Variants in SEMA3C observed in about 807,000 individuals in gnomAD.
The protein encoded by SEMA3C is semaphorin 3C, also known as semaphorin-3C.
A neutral mutation model predicts 89.4 loss-of-function variants in SEMA3C; 47 were observed. That is an observed-to-expected ratio of 0.53 (90% CI 0.42 to 0.67). SEMA3C has a LOEUF of 0.67. Among genes scored for constraint, SEMA3C ranks in the 30% least tolerant of loss-of-function variants. The probability of loss-of-function intolerance (pLI) is 0.00; values close to 1 mark genes in which losing one functional copy is unlikely to be tolerated. For synonymous variants in SEMA3C, 310 were observed against 320.2 expected, an observed-to-expected ratio of 0.97 and a Z score of 0.34; for missense variants, 839 against 929.1, an observed-to-expected ratio of 0.90 and a Z score of 1.26.
chr7:80,770,727 T>C (rs2117072135), intron 12 of SEMA3C, among the ~76,000 whole-genome samples: 1 of 152,320 alleles, frequency 6.6e-6, no homozygotes, highest in South Asian at 2.1e-4. Context: ...GATGTAAGCC[T>C]GGCCAATAAG....
Position 80,744,688 on chromosome 7 carries a change from G to A in SEMA3C, c.*206C>T. The A allele has an allele frequency of 3.4e-6, 2 of 592,820 alleles. No individual in the cohort carries two copies. The highest frequency in any genetic ancestry group is 6.0e-6 in the Non-Finnish European group (2 of 336,012). The allele number at this position is 592,820 out of a possible 1,614,324, so 36.7% of individuals were successfully genotyped here. A position where few individuals can be genotyped will look rare whatever the true frequency, so the allele number is the denominator to read the frequency against. ...TGGGTTAAGTTAAATATATTTATATGCACCATGAGGACCATGACATGTCTA... is the reference window on the plus strand; with the variant it reads ...TGGGTTAAGTTAAATATATTTATATACACCATGAGGACCATGACATGTCTA... On this transcript the variant is annotated 3_prime_UTR_variant, in exon 18 of 18. Transcript: ENST00000265361.
chr7:80,773,996 G>C (rs1166839645), intron 12 of SEMA3C, among the ~76,000 whole-genome samples: 1 of 152,178 alleles, frequency 6.6e-6, no homozygotes, highest in Non-Finnish European at 1.5e-5. Flanking sequence ...GCTGACACAA[G>C]AAAGGCTGAG....
intron 2 of SEMA3C, among the ~76,000 whole-genome samples, chr7:80,842,706 G>T (rs1790297995): frequency 6.6e-6 from 1 of 152,100 alleles, no homozygotes; most frequent in Admixed American, 6.6e-5. Flanking sequence ...TAGGCAAAAT[G>T]AGTTATAGAT....
At chr7:80,845,978 A>C (rs1376174955) in intron 2 of SEMA3C, among the ~76,000 whole-genome samples, 1 of 152,194 alleles carries the variant, frequency 6.6e-6, no homozygotes, top group Non-Finnish European at 1.5e-5. Flanking sequence ...TACTTTAAGA[A>C]AGTAGCAAAT....
intron 2 of SEMA3C, among the ~76,000 whole-genome samples, chr7:80,836,315 T>C (rs1790124661): frequency 6.6e-6 from 1 of 152,030 alleles, no homozygotes; most frequent in Non-Finnish European, 1.5e-5. Flanking sequence ...ATGGGATAAA[T>C]GGAAGCAAAA....
At chr7:80,852,780 G>A (rs1159837523) in intron 2 of SEMA3C, among the ~76,000 whole-genome samples, 2 of 150,544 alleles carry the variant, frequency 1.3e-5, no homozygotes, top group Non-Finnish European at 2.9e-5. Flanking sequence ...CTGGGTTCAT[G>A]CCATTCTCCT....
At chr7:80,874,272 C>A (rs1791144947) in intron 2 of SEMA3C, among the ~76,000 whole-genome samples, 1 of 152,120 alleles carries the variant, frequency 6.6e-6, no homozygotes, top group Non-Finnish European at 1.5e-5. Flanking sequence ...TACAGCATTC[C>A]AATTCCTTAG....
intron 2 of SEMA3C, among the ~76,000 whole-genome samples, chr7:80,891,476 C>A (rs1791612162): frequency 6.6e-6 from 1 of 151,786 alleles, no homozygotes; most frequent in South Asian, 2.1e-4. Flanking sequence ...TCATAAAATT[C>A]TTCAAACAAT....
At chr7:80,849,741 G>C (rs1265088948) in intron 2 of SEMA3C, among the ~76,000 whole-genome samples, 2 of 152,040 alleles carry the variant, frequency 1.3e-5, no homozygotes, top group Non-Finnish European at 2.9e-5. Flanking sequence ...TCTTGTGATA[G>C]CCAAATGTTT....
At chr7:80,779,897 T>C (rs753298145) in intron 12 of SEMA3C, among the ~76,000 whole-genome samples, 35 of 152,206 alleles carry the variant, frequency 2.3e-4, no homozygotes, top group Non-Finnish European at 4.9e-4. Context: ...AGGAGATCTA[T>C]GTGCAAAAAC....
chr7:80,872,256 T>C (rs1404689291), intron 2 of SEMA3C, among the ~76,000 whole-genome samples: 1 of 152,056 alleles, frequency 6.6e-6, no homozygotes, highest in Admixed American at 6.6e-5. Flanking sequence ...GTTCAAGCCA[T>C]TCTCCAGCCT....
intron 4 of SEMA3C, among the ~76,000 whole-genome samples, chr7:80,822,416 T>A (rs1273142637): frequency 2.8e-5 from 4 of 143,894 alleles, no homozygotes; most frequent in South Asian, 2.3e-4. Flanking sequence ...TAAATAAAAA[T>A]AAAAAAAAAA....
At chr7:80,751,243 G>C (rs758086382) in intron 16 of SEMA3C, 26 bp downstream of exon 16, 28 of 1,585,698 alleles carry the variant, frequency 1.8e-5, no homozygotes, top group Non-Finnish European at 2.3e-5. Context: ...TGTTCACTGA[G>C]ATTGGCCATT....
chr7:80,799,439 TA>T (rs981982771), intron 10 of SEMA3C, among the ~76,000 whole-genome samples: 19 of 152,022 alleles, frequency 1.2e-4, no homozygotes, highest in South Asian at 8.3e-4. Context: ...TGAGCAAGAT[TA>T]AAAAAAAGAT....
chr7:80,835,063 G>C (rs1790094117), intron 2 of SEMA3C, among the ~76,000 whole-genome samples: 2 of 152,154 alleles, frequency 1.3e-5, no homozygotes, highest in African/African-American at 4.8e-5. Flanking sequence ...CATTCATTCA[G>C]AATACTACAT....
intron 5 of SEMA3C, among the ~76,000 whole-genome samples, chr7:80,816,536 C>T (rs1316113665): frequency 6.6e-6 from 1 of 152,082 alleles, no homozygotes; most frequent in Non-Finnish European, 1.5e-5. Flanking sequence ...GAAAACAAAT[C>T]CATTGTAAGA....
chr7:80,919,152 T>A (rs1438659834), upstream of SEMA3C: 2 of 984,442 alleles, frequency 2.0e-6, no homozygotes, highest in Non-Finnish European at 2.4e-6. Context: ...CCCTGCAGGC[T>A]CGCATCACCA....
At chr7:80,873,371 T>G (rs1033868121) in intron 2 of SEMA3C, among the ~76,000 whole-genome samples, 21 of 152,216 alleles carry the variant, frequency 1.4e-4, no homozygotes, top group African/African-American at 4.6e-4. Context: ...TGCACAGTGC[T>G]TTATTACTAT....
At chr7:80,797,246 A>T (rs1010538761) in intron 11 of SEMA3C, among the ~76,000 whole-genome samples, 1 of 152,170 alleles carries the variant, frequency 6.6e-6, no homozygotes, top group African/African-American at 2.4e-5. Flanking sequence ...TTTAGAAAAA[A>T]AAACTAATCA....
Sources: gnomAD v4.1 joint callset for allele counts (sites outside exome capture counted in the v4.1 genomes callset) on GRCh38, gnomAD v4.1.1 for gene constraint, MANE v1.5 for transcripts, NCBI Gene and HGNC (gene_info 2026-07-23, HGNC 2026-07-21) for gene names.